SHISA9: variants seen among roughly 807,000 people sequenced by gnomAD.
SHISA9 encodes shisa family member 9.
In SHISA9, 13 loss-of-function variants were observed where a neutral mutation model predicts 38.0. That is an observed-to-expected ratio of 0.34 (90% confidence interval 0.22 to 0.54). The LOEUF is 0.54. Among genes scored for constraint, SHISA9 ranks in the 20% least tolerant of loss-of-function variants. The pLI is 0.91. For synonymous variants in SHISA9, 275 were observed against 242.0 expected (o/e 1.14, Z -1.27); for missense variants, 538 against 575.8 (o/e 0.93, Z 0.67).
chr16:13,344,768 A>G, the SHISA9 span, among the ~76,000 whole-genome samples: 2 of 152,150 alleles, frequency 1.3e-5, no homozygotes, highest in African/African-American at 4.8e-5. Flanking sequence ...ATATGCCCCA[A>G]ATCTCACAAC....
intron 2 of SHISA9, among the ~76,000 whole-genome samples, chr16:13,092,231 T>C (rs916000958): frequency 4.6e-5 from 7 of 152,334 alleles, no homozygotes; most frequent in Non-Finnish European, 8.8e-5. Context: ...ATGAGGTGTC[T>C]GTTGGCCCCT....
chr16:12,957,356 AAAC>A (rs2071850237), intron 2 of SHISA9, among the ~76,000 whole-genome samples: 1 of 152,186 alleles, frequency 6.6e-6, no homozygotes, highest in African/African-American at 2.4e-5. Context: ...GGTGGCTTAT[AAAC>A]AACAGACATT....
chr16:13,366,982 C>CAA, the SHISA9 span, among the ~76,000 whole-genome samples: 21 of 92,412 alleles, frequency 2.3e-4, no homozygotes, highest in East Asian at 6.3e-4. Context: ...GGCTCCATCT[C>CAA]AAAAAAAAAA....
At chr16:13,262,167 G>C in the SHISA9 span, among the ~76,000 whole-genome samples, 4 of 152,118 alleles carry the variant, frequency 2.6e-5, no homozygotes, top group African/African-American at 9.7e-5. Flanking sequence ...AAAACAACAG[G>C]TTGTCAATCC....
At chr16:13,328,617 CACACACACACACACACACAT>C in the SHISA9 span, among the ~76,000 whole-genome samples, 13 of 145,788 alleles carry the variant, frequency 8.9e-5, no homozygotes, top group African/African-American at 1.1e-4. Context: ...CACACACACA[CACACACACACACACACACAT>C]ATATATTGTA....
chr16:13,182,249 G>A (rs1309884020), intron 2 of SHISA9, among the ~76,000 whole-genome samples: 7 of 152,110 alleles, frequency 4.6e-5, no homozygotes, highest in South Asian at 2.1e-4. Context: ...TTATTTTATC[G>A]GTGAGGGACA....
chr16:13,156,610 T>C (rs975668602), intron 2 of SHISA9, among the ~76,000 whole-genome samples: 5 of 151,746 alleles, frequency 3.3e-5, no homozygotes, highest in African/African-American at 1.2e-4. Context: ...GGTGGGCGCC[T>C]GCAGTCCCAG....
chr16:12,924,284 A>G (rs2071366962), intron 2 of SHISA9, among the ~76,000 whole-genome samples: 1 of 152,162 alleles, frequency 6.6e-6, no homozygotes, highest in Non-Finnish European at 1.5e-5. Context: ...CATTTGCTTT[A>G]TTCATCCCTG....
intron 1 of SHISA9, among the ~76,000 whole-genome samples, chr16:12,903,817 T>G (rs536594642): frequency 1.3e-5 from 2 of 152,230 alleles, no homozygotes; most frequent in African/African-American, 4.8e-5. Context: ...TGTGCGCGCG[T>G]GTGTGCACGC....
At chr16:13,018,230 T>A (rs1485601945) in intron 2 of SHISA9, among the ~76,000 whole-genome samples, 1 of 152,232 alleles carries the variant, frequency 6.6e-6, no homozygotes, top group Non-Finnish European at 1.5e-5. Flanking sequence ...CGGCTACTGC[T>A]GGCGTGGCTT....
chr16:13,293,710 A>G, the SHISA9 span, among the ~76,000 whole-genome samples: 17 of 152,234 alleles, frequency 1.1e-4, no homozygotes, highest in Non-Finnish European at 2.2e-4. Flanking sequence ...GGACACCTCC[A>G]GTAGTTTCAT....
the SHISA9 span, among the ~76,000 whole-genome samples, chr16:13,469,622 C>T: frequency 6.6e-6 from 1 of 152,198 alleles, no homozygotes; most frequent in Non-Finnish European, 1.5e-5. Context: ...CCCACCCATG[C>T]TTCTTTGCCC....
chr16:13,471,022 CTG>C, the SHISA9 span, among the ~76,000 whole-genome samples: 3 of 151,494 alleles, frequency 2.0e-5, no homozygotes, highest in Non-Finnish European at 4.4e-5. Context: ...ATAGTTACTG[CTG>C]TGGACAACTG....
the SHISA9 span, among the ~76,000 whole-genome samples, chr16:13,303,043 C>T: frequency 2.6e-5 from 4 of 152,182 alleles, no homozygotes; most frequent in Non-Finnish European, 5.9e-5. Context: ...TCGGGTATTC[C>T]TTTGTAGCAG....
intron 2 of SHISA9, among the ~76,000 whole-genome samples, chr16:13,177,491 C>T (rs2050741475): frequency 6.6e-6 from 1 of 152,184 alleles, no homozygotes; most frequent in Admixed American, 6.5e-5. Flanking sequence ...TATCCCACCT[C>T]ATGTGAATTA....
the SHISA9 span, among the ~76,000 whole-genome samples, chr16:13,417,521 G>C: frequency 6.6e-6 from 1 of 152,324 alleles, no homozygotes; most frequent in Admixed American, 6.5e-5. Flanking sequence ...TCTCTTGTTA[G>C]CTATTGAGTT....
At chr16:13,200,442 A>ACACACACACACACACACACAC (rs1555470817) in intron 2 of SHISA9, among the ~76,000 whole-genome samples, 93 of 132,348 alleles carry the variant, frequency 7.0e-4, no homozygotes, top group African/African-American at 2.4e-3. Context: ...ACACACACAC[A>ACACACACACACACACACACAC]GCAGCAGCAG....
At chr16:13,365,088 G>A in the SHISA9 span, among the ~76,000 whole-genome samples, 1 of 152,264 alleles carries the variant, frequency 6.6e-6, no homozygotes, top group East Asian at 1.9e-4. Flanking sequence ...CAGGTATTCA[G>A]TACCTATACC....
At chr16:13,124,636 C>A (rs903803963) in intron 2 of SHISA9, among the ~76,000 whole-genome samples, 1 of 152,062 alleles carries the variant, frequency 6.6e-6, no homozygotes, top group East Asian at 1.9e-4. Flanking sequence ...TTATATGGAA[C>A]CACAAAAGAC....
Sources: allele counts gnomAD v4.1 joint callset (sites outside exome capture counted in the v4.1 genomes callset), GRCh38; gene constraint gnomAD v4.1.1; transcripts MANE v1.5; gene names NCBI Gene and HGNC (gene_info 2026-07-23, HGNC 2026-07-21).